ABCC4: variants seen among roughly 807,000 people sequenced by gnomAD.
The protein encoded by ABCC4 is ATP binding cassette subfamily C member 4 (PEL blood group), also known as ATP-binding cassette sub-family C member 4.
ABCC4 carries 102 observed loss-of-function variants against 168.5 expected under a neutral mutation model. That is an observed-to-expected ratio of 0.61 (90% CI 0.52 to 0.71). ABCC4 has a LOEUF of 0.71. ABCC4 is among the 30% of genes least tolerant of loss of function. ABCC4 has a pLI of 0.00. For missense variants in ABCC4, 1,402 were observed against 1,605.8 expected (o/e 0.87, Z 2.17); for synonymous variants, 617 against 590.7 (o/e 1.04, Z -0.65).
chr13:95,088,031 A>T (rs564790705), intron 20 of ABCC4, among the ~76,000 whole-genome samples: 2 of 152,062 alleles, frequency 1.3e-5, no homozygotes, highest in Non-Finnish European at 2.9e-5. Flanking sequence ...TGCTAATCTG[A>T]TCTTTTGACA....
chr13:95,074,373 C>T (rs762403866), intron 22 of ABCC4, 49 bp from the exon 23 acceptor site: 52 of 1,460,296 alleles, frequency 3.6e-5, no homozygotes, highest in African/African-American at 1.3e-4. Context: ...GATGAATGTG[C>T]GAGTGTGTTT....
At chr13:95,103,787 T>C (rs917751316) in intron 20 of ABCC4, among the ~76,000 whole-genome samples, 1 of 152,194 alleles carries the variant, frequency 6.6e-6, no homozygotes, top group Non-Finnish European at 1.5e-5. Flanking sequence ...TCTAAATTCC[T>C]GTGCTTAAGA....
chr13:95,275,335 T>C (rs1037404725), intron 1 of ABCC4, among the ~76,000 whole-genome samples: 3 of 152,184 alleles, frequency 2.0e-5, no homozygotes, highest in African/African-American at 7.2e-5. Context: ...CCTACATTCT[T>C]AGGAGAAAAG....
At chr13:95,253,821 A>C (rs374252904) in intron 1 of ABCC4, among the ~76,000 whole-genome samples, 2 of 152,240 alleles carry the variant, frequency 1.3e-5, no homozygotes, top group East Asian at 3.9e-4. Flanking sequence ...CTCCATATAA[A>C]CATAATACAT....
At chr13:95,238,059 G>A (rs946978768) in intron 3 of ABCC4, among the ~76,000 whole-genome samples, 1 of 151,828 alleles carries the variant, frequency 6.6e-6, no homozygotes, top group African/African-American at 2.4e-5. Flanking sequence ...GCTGGGTATG[G>A]TGGCTCGCAC....
chr13:95,079,233 C>CG (rs1316420711), intron 21 of ABCC4, among the ~76,000 whole-genome samples: 1 of 152,158 alleles, frequency 6.6e-6, no homozygotes, highest in African/African-American at 2.4e-5. Flanking sequence ...CTGACACAAC[C>CG]TGCCATTTGA....
intron 29 of ABCC4, among the ~76,000 whole-genome samples, chr13:95,042,004 C>T (rs1471124630): frequency 6.6e-6 from 1 of 152,190 alleles, no homozygotes; most frequent in Non-Finnish European, 1.5e-5. Context: ...TCCTGTGATG[C>T]CACTGATGAC....
At chr13:95,220,248 A>G (rs1356651295) in intron 4 of ABCC4, among the ~76,000 whole-genome samples, 1 of 152,190 alleles carries the variant, frequency 6.6e-6, no homozygotes, top group African/African-American at 2.4e-5. Flanking sequence ...GACATGTTTC[A>G]TGTGCCGTCT....
intron 19 of ABCC4, among the ~76,000 whole-genome samples, chr13:95,129,371 T>C (rs1251281203): frequency 1.3e-5 from 2 of 152,204 alleles, no homozygotes; most frequent in Non-Finnish European, 2.9e-5. Flanking sequence ...TAATGATATT[T>C]CTGATGTGTT....
At chr13:95,053,287 A>G in intron 26 of ABCC4, 103 bp from the exon 27 acceptor site, 1 of 891,402 alleles carries the variant, frequency 1.1e-6, no homozygotes, top group South Asian at 1.4e-5. Context: ...AATAAAATTC[A>G]TGATAATAAT....
chr13:95,083,257 C>T lies in ABCC4; in HGVS notation c.2569G>A (p.Ala857Thr), dbSNP rs753798410. ...GCGATCCAAGGAATCACGGCCACAG[C>T]CACAGAGACCACACCAACCACTTGT... ...LLQVVGVVSV[A>T]VAVIPWIAIP... is the part of the protein sequence containing the mutation. The change falls in exon 21 of 31, where the codon GCT (alanine) becomes ACT (threonine). Residue 857 changes from alanine to threonine, a missense_variant. Physicochemically the swap from Ala to Thr is moderately conservative, Grantham distance 58. Transcript: ENST00000645237. 1.1e-5 allele frequency: 18 copies of T among 1,614,026 alleles called. No individual in the cohort carries two copies. The highest frequency in any genetic ancestry group is 1.4e-5 in the Non-Finnish European group (16 of 1,179,954).
chr13:95,073,484 T>C (rs1356272943), intron 23 of ABCC4, 180 bp from the exon 24 acceptor site: 4 of 412,992 alleles, frequency 9.7e-6, no homozygotes, highest in African/African-American at 8.1e-5. Flanking sequence ...AAAACAACAC[T>C]GTATATTTAG....
intron 26 of ABCC4, among the ~76,000 whole-genome samples, chr13:95,056,234 C>T (rs1481232708): frequency 6.6e-6 from 1 of 152,230 alleles, no homozygotes; most frequent in Non-Finnish European, 1.5e-5. Flanking sequence ...CTAGCCACAA[C>T]TGCTGCTGCC....
At chr13:95,046,413 T>A (rs2032581764) in intron 27 of ABCC4, among the ~76,000 whole-genome samples, 1 of 152,152 alleles carries the variant, frequency 6.6e-6, no homozygotes. Context: ...ATTTCCCAGA[T>A]AACAGTGTCT....
chr13:95,107,335 G>A (rs2035043791), intron 20 of ABCC4, among the ~76,000 whole-genome samples: 2 of 152,008 alleles, frequency 1.3e-5, no homozygotes, highest in East Asian at 3.9e-4. Context: ...TAAACCATGA[G>A]GTGTTTTTAT....
intron 19 of ABCC4, among the ~76,000 whole-genome samples, chr13:95,131,283 G>A (rs933449556): frequency 1.4e-4 from 22 of 152,098 alleles, no homozygotes; most frequent in Admixed American, 3.3e-4. Flanking sequence ...AAGAGGGGAC[G>A]CACAACAAAA....
Position 95,044,443 on chromosome 13 carries a change from A to G in ABCC4, c.3457-5T>C, listed in dbSNP as rs1340387360. ...AATGGTTTCTTTAAGTTGTACCTGT[A>G]GATGTACAAAGAAGAATGACTGCTA... On this transcript the variant is annotated splice_region_variant and splice_polypyrimidine_tract_variant and intron_variant, in intron 27 of 30. Transcript: ENST00000645237. The G allele has an allele frequency of 1.2e-6, 2 of 1,600,700 alleles. No homozygotes were observed. Among genetic ancestry groups the G allele is most frequent in the Non-Finnish European group, 1.7e-6 (2 of 1,173,364 alleles).
intron 19 of ABCC4, among the ~76,000 whole-genome samples, chr13:95,135,380 T>G (rs2139463094): frequency 6.6e-6 from 1 of 152,030 alleles, no homozygotes; most frequent in Non-Finnish European, 1.5e-5. Context: ...CACTCTACAT[T>G]TCACGATCAG....
chr13:95,173,238 G>A lies in ABCC4; in HGVS notation c.1728-2610C>T, dbSNP rs555874631. Among the ~76,000 whole-genome samples the A allele has an allele frequency of 3.9e-5, 6 of 152,352 alleles. No individual in the cohort carries two copies. The East Asian group carries it at 7.7e-4, about 20-fold the overall frequency. On this transcript the variant is annotated intron_variant, in intron 13 of 30. Coordinates refer to ENST00000645237, the MANE Select transcript of ABCC4 (RefSeq NM_005845.5). ...TGTATGAGCCATGAGACTATCTGGGGGAAGCATTCCTGGCAGATACAGCAG... is the reference window on the plus strand; with the variant it reads ...TGTATGAGCCATGAGACTATCTGGGAGAAGCATTCCTGGCAGATACAGCAG...
Sources: allele counts gnomAD v4.1 joint callset (sites outside exome capture counted in the v4.1 genomes callset), GRCh38; gene constraint gnomAD v4.1.1; transcripts MANE v1.5; gene names NCBI Gene and HGNC (gene_info 2026-07-23, HGNC 2026-07-21).